ZNF704: variants seen among roughly 807,000 people sequenced by gnomAD.
ZNF704 encodes zinc finger protein 704, also known as glucocorticoid induced gene 1.
In ZNF704, 10 loss-of-function variants were observed where a neutral mutation model predicts 44.7. That is an observed-to-expected ratio of 0.22 (90% CI 0.14 to 0.38). ZNF704 has a LOEUF of 0.38. Ranked by LOEUF, ZNF704 falls within the 10% of genes least tolerant of loss-of-function variation. The pLI, the probability that ZNF704 is intolerant of heterozygous loss-of-function variation, is 1.00. For synonymous variants in ZNF704, 211 were observed against 207.6 expected, an observed-to-expected ratio of 1.02 and a Z score of -0.14; for missense variants, 390 against 545.5, an observed-to-expected ratio of 0.71 and a Z score of 2.84.
intron 2 of ZNF704, among the ~76,000 whole-genome samples, chr8:80,815,281 A>G (rs1298054507): frequency 6.6e-6 from 1 of 152,222 alleles, no homozygotes. Context: ...TAGGTCTAAG[A>G]ATACTTCTGG....
chr8:80,862,297 A>AT (rs1242366640), intron 1 of ZNF704, among the ~76,000 whole-genome samples: 10 of 152,178 alleles, frequency 6.6e-5, no homozygotes, highest in African/African-American at 2.4e-4. Context: ...AATGAAAACT[A>AT]TATCATTTCT....
At chr8:80,851,693 G>T in intron 1 of ZNF704, among the ~76,000 whole-genome samples, 1 of 151,960 alleles carries the variant, frequency 6.6e-6, no homozygotes, top group Non-Finnish European at 1.5e-5. Context: ...CCTGCACGTT[G>T]TGCACATGTA....
At chr8:80,716,029 G>A (rs1819067100) in intron 2 of ZNF704, among the ~76,000 whole-genome samples, 1 of 151,616 alleles carries the variant, frequency 6.6e-6, no homozygotes, top group Non-Finnish European at 1.5e-5. Flanking sequence ...GCAGTGAGCT[G>A]AGATTGTGTC....
intron 6 of ZNF704, 68 bp from the exon 7 acceptor site, chr8:80,659,757 T>C (rs1378234734): frequency 7.0e-7 from 1 of 1,428,512 alleles, no homozygotes; most frequent in Non-Finnish European, 9.8e-7. Flanking sequence ...AAGCTCTTAT[T>C]ACCAAAGGAG....
chr8:80,762,051 C>T (rs752590516), intron 2 of ZNF704, among the ~76,000 whole-genome samples: 13 of 152,224 alleles, frequency 8.5e-5, no homozygotes, highest in South Asian at 2.1e-4. Context: ...TCTACATATG[C>T]GCACAATGCT....
chr8:80,659,982 A>G (rs1427465578), intron 6 of ZNF704, among the ~76,000 whole-genome samples: 2 of 152,226 alleles, frequency 1.3e-5, no homozygotes, highest in Non-Finnish European at 2.9e-5. Flanking sequence ...CCTGTGAGGT[A>G]GAATTCTTCA....
intron 7 of ZNF704, among the ~76,000 whole-genome samples, chr8:80,646,070 T>C (rs758253446): frequency 5.3e-5 from 8 of 152,180 alleles, no homozygotes; most frequent in Admixed American, 2.0e-4. Flanking sequence ...GAGGCTGGCA[T>C]GTTGATGTTG....
intron 2 of ZNF704, among the ~76,000 whole-genome samples, chr8:80,744,576 C>T (rs1005979336): frequency 3.3e-5 from 5 of 152,152 alleles, no homozygotes; most frequent in Non-Finnish European, 4.4e-5. Context: ...GTCATCCCTG[C>T]TAAGTTTGTC....
chr8:80,796,874 AAGAG>A (rs1365372580), intron 2 of ZNF704, among the ~76,000 whole-genome samples: 2 of 136,584 alleles, frequency 1.5e-5, no homozygotes, highest in African/African-American at 3.5e-5. Context: ...GAAAGAGAGA[AAGAG>A]AGAGGGAAAT....
chr8:80,877,550 G>A (rs1191913455), upstream of ZNF704, among the ~76,000 whole-genome samples: 2 of 152,194 alleles, frequency 1.3e-5, no homozygotes, highest in Non-Finnish European at 2.9e-5. Flanking sequence ...TTCCCTAAGT[G>A]TAACACATTT....
chr8:80,729,089 T>C (rs1330525985), intron 2 of ZNF704, among the ~76,000 whole-genome samples: 4 of 152,090 alleles, frequency 2.6e-5, no homozygotes, highest in African/African-American at 7.2e-5. Context: ...TGTTGAACTA[T>C]TTGAGCTAGG....
intron 2 of ZNF704, chr8:80,694,438 C>T (rs891335505): frequency 6.6e-6 from 1 of 152,170 alleles, no homozygotes; most frequent in Non-Finnish European, 1.5e-5. Context: ...AATTGTACCA[C>T]CTCCTGAGAG....
chr8:80,709,441 T>TTAAAAAAAAAAAAAAAAAA lies in ZNF704; in HGVS notation c.222-16335_222-16334insTTTTTTTTTTTTTTTTTTA, dbSNP rs1563526872. The stretch of plus-strand genomic sequence containing the variant: ...CTTGGCAACAGTGCGAGACTCCATC[T>TTAAAAAAAAAAAAAAAAAA]CAAAAAAAAAAAAAAAAAAAAAAAA... On this transcript the variant is annotated intron_variant, in intron 2 of 8. Transcript: ENST00000327835. Among the ~76,000 whole-genome samples the TTAAAAAAAAAAAAAAAAAA allele has an allele frequency of 6.0e-5, 2 of 33,352 alleles. 1 individual carries two copies. The highest frequency in any genetic ancestry group is 1.0e-3 in the Admixed American group (2 of 1,918). The allele number at this position is 33,352 out of a possible 152,430, so 21.9% of individuals were successfully genotyped here.
intron 2 of ZNF704, among the ~76,000 whole-genome samples, chr8:80,735,676 A>G (rs1265263262): frequency 2.0e-5 from 3 of 152,144 alleles, no homozygotes; most frequent in Admixed American, 2.0e-4. Context: ...TTTGGTAGAG[A>G]CCTGGTTCCT....
chr8:80,820,394 G>T (rs1004653706), intron 2 of ZNF704, among the ~76,000 whole-genome samples: 1 of 151,148 alleles, frequency 6.6e-6, no homozygotes, highest in Non-Finnish European at 1.5e-5. Flanking sequence ...TGTGACAAAG[G>T]CCTTTTTTTT....
chr8:80,636,795 T>C lies in ZNF704; in HGVS notation c.*4571A>G. 6.6e-6 allele frequency: 1 copy of C among 152,364 alleles called. No individual in the cohort carries two copies. The highest frequency in any genetic ancestry group is 2.1e-4 in the South Asian group (1 of 4,824). The allele number at this position is 152,364 out of a possible 1,614,324, so 9.4% of individuals were successfully genotyped here. Reference sequence around the variant, plus strand: ...TCACACAGGTCAGTGCTACAGAAGATGTGGTCGATAGCAATTCTACAGGGT... The same window carrying C: ...TCACACAGGTCAGTGCTACAGAAGACGTGGTCGATAGCAATTCTACAGGGT... On this transcript the variant is annotated 3_prime_UTR_variant, in exon 9 of 9. Coordinates refer to ENST00000327835, the MANE Select transcript of ZNF704 (RefSeq NM_001033723.3).
chr8:80,708,381 G>A (rs1331365389), intron 2 of ZNF704, among the ~76,000 whole-genome samples: 1 of 152,188 alleles, frequency 6.6e-6, no homozygotes, highest in Admixed American at 6.5e-5. Context: ...TACTGGCCAG[G>A]GCATATCCAG....
chr8:80,869,778 C>A (rs768382363), intron 1 of ZNF704, among the ~76,000 whole-genome samples: 4 of 152,234 alleles, frequency 2.6e-5, no homozygotes, highest in African/African-American at 4.8e-5. Flanking sequence ...GCCTATTCCT[C>A]CTGACTACAT....
At chr8:80,858,157 T>TA (rs567082682) in intron 1 of ZNF704, among the ~76,000 whole-genome samples, 9 of 152,232 alleles carry the variant, frequency 5.9e-5, no homozygotes, top group Non-Finnish European at 1.0e-4. Flanking sequence ...TTTCTCTTTT[T>TA]AAAAAAAATC....
Sources: gnomAD v4.1 joint callset for allele counts (sites outside exome capture counted in the v4.1 genomes callset) on GRCh38, gnomAD v4.1.1 for gene constraint, MANE v1.5 for transcripts, NCBI Gene and HGNC (gene_info 2026-07-23, HGNC 2026-07-21) for gene names.